The following ANO6 variants were observed in gnomAD, a reference collection of about 807,000 sequenced individuals.
ANO6 encodes the protein anoctamin-6.
A neutral mutation model predicts 117.5 loss-of-function variants in ANO6; 106 were observed. That is an observed-to-expected ratio of 0.90 (90% confidence interval 0.77 to 1.06). The LOEUF is 1.06. ANO6 is among the 50% of genes least tolerant of loss of function. ANO6 has a pLI of 0.00. For synonymous variants in ANO6, 367 were observed against 385.1 expected, an observed-to-expected ratio of 0.95 and a Z score of 0.55; for missense variants, 955 against 1,121.1, an observed-to-expected ratio of 0.85 and a Z score of 2.12.
rs111459024 is a variant in ANO6 at position 45,417,022 on chromosome 12, A to C, written c.2217+118A>C. 8.1e-6 allele frequency: 8 copies of C among 985,232 alleles called. No individual in the cohort carries two copies. The Admixed American group carries it at 1.3e-4, about 16-fold the overall frequency. The allele number at this position is 985,232 out of a possible 1,614,324, so 61.0% of individuals were successfully genotyped here. A position where few individuals can be genotyped will look rare whatever the true frequency, so the allele number is the denominator to read the frequency against. On this transcript the variant is annotated intron_variant, in intron 17 of 19. Coordinates refer to ENST00000320560, the MANE Select transcript of ANO6 (RefSeq NM_001025356.3). ...GAGGAAGATGCTAAGTCTGTCATCC[A>C]CATAAATGATATAGTTGCTATATAT...
At chr12:45,249,813 CT>C (rs1188554176) in intron 1 of ANO6, among the ~76,000 whole-genome samples, 1 of 152,216 alleles carries the variant, frequency 6.6e-6, no homozygotes, top group Non-Finnish European at 1.5e-5. Context: ...ATGCCAATAC[CT>C]TGTGTCCTTT....
chr12:45,434,744 C>T (rs1262969267), downstream of ANO6, among the ~76,000 whole-genome samples: 1 of 152,214 alleles, frequency 6.6e-6, no homozygotes, highest in South Asian at 2.1e-4. Context: ...ATTTCAATTG[C>T]TCCCTAAAAG....
intron 1 of ANO6, among the ~76,000 whole-genome samples, chr12:45,257,357 C>T (rs1024479542): frequency 6.6e-6 from 1 of 152,156 alleles, no homozygotes; most frequent in African/African-American, 2.4e-5. Context: ...CCAGTCTGCC[C>T]GTCCTGGGGC....
intron 10 of ANO6, among the ~76,000 whole-genome samples, chr12:45,386,541 A>G (rs889833667): frequency 6.6e-5 from 10 of 152,090 alleles, no homozygotes; most frequent in Non-Finnish European, 1.3e-4. Context: ...TGCCTTCTCA[A>G]CGTCCCTCAA....
At chr12:45,233,520 A>C (rs1302286542) in intron 1 of ANO6, among the ~76,000 whole-genome samples, 1 of 152,158 alleles carries the variant, frequency 6.6e-6, no homozygotes, top group Non-Finnish European at 1.5e-5. Flanking sequence ...CAAATTGGGA[A>C]TATTGTCTTT....
intron 3 of ANO6, among the ~76,000 whole-genome samples, chr12:45,339,267 A>C (rs1013123938): frequency 3.3e-5 from 5 of 152,094 alleles, no homozygotes; most frequent in Non-Finnish European, 5.9e-5. Flanking sequence ...CATCCCATAC[A>C]TGCTGAGTCA....
chr12:45,231,323 T>C (rs1033422585), intron 1 of ANO6, among the ~76,000 whole-genome samples: 1 of 152,182 alleles, frequency 6.6e-6, no homozygotes, highest in Non-Finnish European at 1.5e-5. Context: ...ATTTGCAAAA[T>C]AGGTACGTGA....
At chr12:45,291,567 C>T (rs949547703) in intron 1 of ANO6, among the ~76,000 whole-genome samples, 5 of 152,036 alleles carry the variant, frequency 3.3e-5, no homozygotes, top group African/African-American at 1.2e-4. Context: ...TCTGATAAGT[C>T]TTTAATATCC....
chr12:45,344,320 A>G (rs528649107), intron 3 of ANO6, among the ~76,000 whole-genome samples: 68 of 152,330 alleles, frequency 4.5e-4, no homozygotes, highest in African/African-American at 1.3e-3. Context: ...TTCAACAAAT[A>G]TGTGTTAGGC....
intron 2 of ANO6, among the ~76,000 whole-genome samples, chr12:45,326,025 A>G (rs889129298): frequency 3.9e-5 from 6 of 152,192 alleles, no homozygotes; most frequent in Non-Finnish European, 7.3e-5. Flanking sequence ...TGAGAACTCC[A>G]TTTGATAAAA....
intron 3 of ANO6, among the ~76,000 whole-genome samples, chr12:45,341,383 G>A (rs10748422): frequency 0.56 from 84,898 of 151,998 alleles, 24,589 homozygotes; most frequent in East Asian, 0.88. Flanking sequence ...TAAATATCCA[G>A]CCATTTGAAA....
chr12:45,229,984 A>G (rs1947551045), intron 1 of ANO6, among the ~76,000 whole-genome samples: 1 of 151,822 alleles, frequency 6.6e-6, no homozygotes, highest in Non-Finnish European at 1.5e-5. Context: ...GGTGCCTGAT[A>G]CAGTGAAAGC....
chr12:45,269,120 C>T (rs946690461), intron 1 of ANO6, among the ~76,000 whole-genome samples: 1 of 152,160 alleles, frequency 6.6e-6, no homozygotes, highest in Non-Finnish European at 1.5e-5. Context: ...TTCTCTGGGG[C>T]CAGCTTCTTA....
rs1298532344 is a variant in ANO6, at chr12:45,431,837, A to G, written c.*2526A>G. 1.0e-6 allele frequency: 1 copy of G among 985,356 alleles called. No homozygotes were observed. Among genetic ancestry groups the G allele is most frequent in the Non-Finnish European group, 1.2e-6 (1 of 829,944 alleles). 61.0% of individuals were successfully genotyped at this position (985,356 alleles called of 1,614,324 possible). A position where few individuals can be genotyped will look rare whatever the true frequency, so the allele number is the denominator to read the frequency against. ...TTCAGCCTGTCCAGTGTTAACCACT[A>G]GAGAAACTGAGCTTTATATCCTTTT... On this transcript the variant is annotated 3_prime_UTR_variant, in exon 20 of 20. Transcript: ENST00000320560.
chr12:45,411,965 G>A (rs1378251134), intron 16 of ANO6, among the ~76,000 whole-genome samples: 1 of 152,130 alleles, frequency 6.6e-6, no homozygotes, highest in Non-Finnish European at 1.5e-5. Flanking sequence ...CTTGAACTTG[G>A]AGCTCCAACA....
At chr12:45,317,866 T>A (rs1263909720) in intron 2 of ANO6, among the ~76,000 whole-genome samples, 1 of 152,242 alleles carries the variant, frequency 6.6e-6, no homozygotes, top group Non-Finnish European at 1.5e-5. Flanking sequence ...ATTTCTCTGA[T>A]GGCCAGTGAT....
intron 1 of ANO6, among the ~76,000 whole-genome samples, chr12:45,270,175 G>A (rs1187365330): frequency 3.3e-5 from 5 of 152,182 alleles, no homozygotes; most frequent in African/African-American, 4.8e-5. Flanking sequence ...CATGAAAGAA[G>A]CACTGAGGTC....
intron 1 of ANO6, among the ~76,000 whole-genome samples, chr12:45,227,106 A>T (rs1223660487): frequency 6.7e-6 from 1 of 148,394 alleles, no homozygotes; most frequent in East Asian, 2.0e-4. Context: ...CTCCTGCCTC[A>T]GGCTCCCGAG....
chr12:45,228,202 G>A, intron 1 of ANO6: 1 of 446,880 alleles, frequency 2.2e-6, no homozygotes, highest in Admixed American at 2.4e-5. Context: ...CGCAATCATG[G>A]CTCACTGTAG....
Sources: gnomAD v4.1 joint callset for allele counts (sites outside exome capture counted in the v4.1 genomes callset) on GRCh38, gnomAD v4.1.1 for gene constraint, MANE v1.5 for transcripts, NCBI Gene and HGNC (gene_info 2026-07-23, HGNC 2026-07-21) for gene names.